LBR: variants seen among roughly 807,000 people sequenced by gnomAD.
LBR encodes the protein delta(14)-sterol reductase LBR.
A neutral mutation model predicts 74.3 loss-of-function variants in LBR; 28 were observed. That is an observed-to-expected ratio of 0.38 (90% CI 0.28 to 0.52). LBR has a LOEUF of 0.52. Ranked by LOEUF, LBR falls within the 20% of genes least tolerant of loss-of-function variation. The pLI is 0.89. For missense variants in LBR, 717 were observed against 760.3 expected (o/e 0.94, Z 0.67); for synonymous variants, 228 against 269.3 (o/e 0.85, Z 1.50).
intron 1 of LBR, among the ~76,000 whole-genome samples, chr1:225,425,753 A>G (rs541713278): frequency 6.6e-6 from 1 of 151,714 alleles, no homozygotes; most frequent in Admixed American, 6.6e-5. Flanking sequence ...TACTAGTACT[A>G]GCTCTCCTAC....
chr1:225,416,600 G>A (rs1197085081), intron 6 of LBR, among the ~76,000 whole-genome samples: 1 of 152,182 alleles, frequency 6.6e-6, no homozygotes, highest in Admixed American at 6.5e-5. Flanking sequence ...TATTAAAGGA[G>A]TCTAGTAAAT....
chr1:225,411,507 T>C, intron 8 of LBR, 67 bp from the exon 9 acceptor site: 1 of 1,107,030 alleles, frequency 9.0e-7, no homozygotes, highest in South Asian at 1.2e-5. Context: ...ACAACGGCAC[T>C]GCCGCCCACT....
At chr1:225,405,687 A>C (rs899815418) in intron 11 of LBR, among the ~76,000 whole-genome samples, 1 of 152,168 alleles carries the variant, frequency 6.6e-6, no homozygotes, top group Non-Finnish European at 1.5e-5. Flanking sequence ...GAGCCAAATA[A>C]ATTTCATGAC....
At chr1:225,411,700 GC>G (rs992668322) in intron 8 of LBR, among the ~76,000 whole-genome samples, 1 of 152,128 alleles carries the variant, frequency 6.6e-6, no homozygotes, top group African/African-American at 2.4e-5. Context: ...AATCATGGGG[GC>G]CCCCCCAAAG....
In LBR at chr1:225,411,412, G is replaced by C; in HGVS notation, c.1113C>G (p.Gly371=). Residue 371 remains glycine, a synonymous_variant, in exon 9 of 14, where the codon GGC becomes GGG. Transcript: ENST00000272163. ...TACCAATTCGAGGGTTTAATTCACG[G>C]CCAATGAAGAAATCATAGACAGCAT... ...SGNAVYDFFI[G]RELNPRIGTF... is the part of the protein sequence containing the mutation. 1 of 1,613,780 alleles carries C rather than the reference G, an allele frequency of 6.2e-7. No individual in the cohort carries two copies. Among genetic ancestry groups the C allele is most frequent in the Non-Finnish European group, 8.5e-7 (1 of 1,179,638 alleles).
intron 5 of LBR, 62 bp downstream of exon 5, chr1:225,419,201 C>T (rs2096122906): frequency 5.9e-6 from 9 of 1,527,074 alleles, no homozygotes; most frequent in Middle Eastern, 1.8e-4. Flanking sequence ...TCCAGTTCAC[C>T]TTGTGGCAAC....
intron 7 of LBR, 149 bp from the exon 8 acceptor site, chr1:225,412,794 A>G (rs927851711): frequency 1.4e-6 from 1 of 731,912 alleles, no homozygotes; most frequent in Non-Finnish European, 2.3e-6. Context: ...GCAAATAAGC[A>G]ATGTCTGAGG....
intron 13 of LBR, 38 bp from the exon 14 acceptor site, chr1:225,403,501 A>C: frequency 6.6e-7 from 1 of 1,505,566 alleles, no homozygotes; most frequent in Non-Finnish European, 9.2e-7. Flanking sequence ...AGATATTTTT[A>C]TTATCACTAC....
Position 225,421,457 on chromosome 1 carries a change from C to A in LBR, c.366+620G>T, listed in dbSNP as rs183671575. ...GCAGTGAGCTGAGATTGCGCCACTG[C>A]GCTCCAGCCTGGGTGACAGAGCAAG... On this transcript the variant is annotated intron_variant, in intron 3 of 13. Transcript: ENST00000272163. 2.2e-4 allele frequency among the ~76,000 whole-genome samples: 34 copies of A among 152,360 alleles called. 1 individual carries two copies. The highest frequency in any genetic ancestry group is 8.2e-4 in the African/African-American group (34 of 41,586).
In LBR at chr1:225,412,785, C is replaced by A. The variant is rs2096108947; in HGVS notation, c.893-140G>T. ...TTCAGACTAAATACACACAAATATGCAAATAAGCAATGTCTGAGGTATAAT... is the reference window on the plus strand; with the variant it reads ...TTCAGACTAAATACACACAAATATGAAAATAAGCAATGTCTGAGGTATAAT... On this transcript the variant is annotated intron_variant, in intron 7 of 13. Transcript: ENST00000272163. The A allele has an allele frequency of 6.6e-6, 5 of 758,846 alleles. No homozygotes were observed. In the African/African-American group the frequency reaches 8.9e-5, roughly 13 times the overall value. The allele number at this position is 758,846 out of a possible 1,614,324, so 47.0% of individuals were successfully genotyped here.
chr1:225,424,823 T>G (rs113169763), intron 1 of LBR, among the ~76,000 whole-genome samples: 1 of 152,252 alleles, frequency 6.6e-6, no homozygotes, highest in African/African-American at 2.4e-5. Context: ...CTGCAAGAAC[T>G]GCCACTTACG....
In LBR at chr1:225,410,168, C is replaced by G. The variant is rs918823559; in HGVS notation, c.1314+123G>C. On this transcript the variant is annotated intron_variant, in intron 10 of 13. Transcript: ENST00000272163. The stretch of plus-strand genomic sequence containing the variant: ...CACATGGATGGCCTCGTCCTCCTCT[C>G]AAGCAGCCTTGGAGGCAGGCCATGC... 6 of 1,475,708 alleles carry G rather than the reference C, an allele frequency of 4.1e-6. No individual in the cohort carries two copies. In the Admixed American group the frequency reaches 1.0e-4, roughly 25 times the overall value. The allele number at this position is 1,475,708 out of a possible 1,614,324, so 91.4% of individuals were successfully genotyped here.
intron 5 of LBR, 117 bp from the exon 6 acceptor site, chr1:225,418,297 T>C (rs1455003793): frequency 3.6e-6 from 4 of 1,099,310 alleles, no homozygotes; most frequent in African/African-American, 3.1e-5. Flanking sequence ...CTGAAACCAA[T>C]TTCTAATGTA....
chr1:225,409,717 G>C (rs1266349192), intron 10 of LBR, among the ~76,000 whole-genome samples: 2 of 152,170 alleles, frequency 1.3e-5, no homozygotes, highest in African/African-American at 2.4e-5. Flanking sequence ...GGCTGAGACA[G>C]AGAAAACAAA....
At position 225,411,350 on chromosome 1, in the gene LBR, C is replaced by G. The variant is rs2096104971; in HGVS notation, c.1175G>C (p.Gly392Ala). 3 of 1,612,852 alleles carry G rather than the reference C, an allele frequency of 1.9e-6. No individual in the cohort carries two copies. The highest frequency in any genetic ancestry group is 1.3e-5 in the African/African-American group (1 of 75,008). ...DLKYFCELRP[G>A]LIGWVVINLV... ...AACCAGACATACCCATCCAATCAAT[C>G]CGGGGCGCAATTCACAAAAGTATTT... Residue 392 changes from glycine (G) to alanine (A), a missense_variant, in exon 9 of 14, where the codon GGA (glycine) becomes GCA (alanine). By Grantham distance (60) the Gly-to-Ala change is moderately conservative. Transcript: ENST00000272163.
chr1:225,401,541 T>A lies in LBR; in HGVS notation c.*1762A>T, dbSNP rs2096082005. On this transcript the variant is annotated 3_prime_UTR_variant, in exon 14 of 14. Coordinates refer to ENST00000272163, the MANE Select transcript of LBR (RefSeq NM_002296.4). Reference sequence around the variant, plus strand: ...CTACATTTTATTTTCAACTTAAAACTTCATTATAAAATTTGCCAAATAAAC... The same window carrying A: ...CTACATTTTATTTTCAACTTAAAACATCATTATAAAATTTGCCAAATAAAC... 6.6e-6 allele frequency: 1 copy of A among 151,536 alleles called. No individual in the cohort carries two copies. Among genetic ancestry groups the A allele is most frequent in the South Asian group, 2.1e-4 (1 of 4,822 alleles). 9.4% of individuals were successfully genotyped at this position (151,536 alleles called of 1,614,324 possible).
chr1:225,419,183 G>C, intron 5 of LBR, 80 bp downstream of exon 5: 1 of 1,329,684 alleles, frequency 7.5e-7, no homozygotes. Flanking sequence ...TGTCTTCAGA[G>C]AGGCCTTTCC....
At chr1:225,414,195 A>T (rs1444711379) in intron 7 of LBR, 16 of 452,720 alleles carry the variant, frequency 3.5e-5, no homozygotes, top group Non-Finnish European at 4.9e-5. Flanking sequence ...CAGACTCTGG[A>T]GCTGGGGGAG....
chr1:225,405,686 A>C (rs1472706529), intron 11 of LBR, among the ~76,000 whole-genome samples: 1 of 152,196 alleles, frequency 6.6e-6, no homozygotes, highest in Non-Finnish European at 1.5e-5. Context: ...TGAGCCAAAT[A>C]AATTTCATGA....
Sources: gnomAD v4.1 joint callset for allele counts (sites outside exome capture counted in the v4.1 genomes callset) on GRCh38, gnomAD v4.1.1 for gene constraint, MANE v1.5 for transcripts, NCBI Gene and HGNC (gene_info 2026-07-23, HGNC 2026-07-21) for gene names.